TMEM232: variants seen among roughly 807,000 people sequenced by gnomAD.
TMEM232 encodes transmembrane protein 232.
In TMEM232, 80 loss-of-function variants were observed where a neutral mutation model predicts 78.8. The observed-to-expected ratio is 1.01, with a 90% CI of 0.85 to 1.22. TMEM232 has a LOEUF of 1.22. Among genes scored for constraint, TMEM232 ranks in the 50% most tolerant of loss-of-function variants. The pLI is 0.00. For missense variants in TMEM232, 881 were observed against 742.2 expected, an observed-to-expected ratio of 1.19 and a Z score of -2.17; for synonymous variants, 297 against 254.3, an observed-to-expected ratio of 1.17 and a Z score of -1.60.
intron 2 of TMEM232, among the ~76,000 whole-genome samples, chr5:110,647,091 A>G (rs943066588): frequency 5.9e-5 from 9 of 151,928 alleles, no homozygotes; most frequent in African/African-American, 2.2e-4. Context: ...ATTTGCCTAC[A>G]CGAAAGTGCA....
chr5:110,589,091 C>A (rs1477505479), intron 10 of TMEM232, among the ~76,000 whole-genome samples: 1 of 152,118 alleles, frequency 6.6e-6, no homozygotes, highest in Non-Finnish European at 1.5e-5. Context: ...AGATAGAACA[C>A]AAAGCTGTGC....
chr5:110,435,224 A>G (rs1241292089), intron 12 of TMEM232, among the ~76,000 whole-genome samples: 3 of 152,036 alleles, frequency 2.0e-5, no homozygotes, highest in Non-Finnish European at 2.9e-5. Context: ...AACTTCAGGA[A>G]AGTCTCAGGA....
intron 1 of TMEM232, among the ~76,000 whole-genome samples, chr5:110,682,365 T>C (rs1397230490): frequency 6.6e-6 from 1 of 151,982 alleles, no homozygotes; most frequent in Non-Finnish European, 1.5e-5. Flanking sequence ...AAACCTTCCC[T>C]AAATAATGAA....
chr5:110,409,366 C>T (rs1219021742), intron 2 of TMEM232, among the ~76,000 whole-genome samples: 3 of 152,178 alleles, frequency 2.0e-5, no homozygotes, highest in Non-Finnish European at 4.4e-5. Flanking sequence ...TTGTGAATAG[C>T]TGTGATCAAG....
chr5:110,699,268 G>A (rs1025393103), intron 1 of TMEM232, among the ~76,000 whole-genome samples: 13 of 152,072 alleles, frequency 8.5e-5, no homozygotes, highest in Admixed American at 8.5e-4. Flanking sequence ...ATACACCTTT[G>A]ACCTTAAATA....
chr5:110,520,436 G>A (rs367590849), intron 12 of TMEM232, among the ~76,000 whole-genome samples: 19 of 152,012 alleles, frequency 1.2e-4, no homozygotes, highest in African/African-American at 3.6e-4. Flanking sequence ...ATAGCAAAAC[G>A]TGACAAAGAT....
At chr5:110,733,644 G>C (rs1393935790) in intron 2 of TMEM232, among the ~76,000 whole-genome samples, 1 of 152,116 alleles carries the variant, frequency 6.6e-6, no homozygotes. Flanking sequence ...AGAACACAGA[G>C]ACACAAAGAG....
chr5:110,620,716 G>A (rs143007304), intron 7 of TMEM232, among the ~76,000 whole-genome samples: 192 of 145,718 alleles, frequency 1.3e-3, no homozygotes, highest in African/African-American at 4.8e-3. Flanking sequence ...AACCCAATAT[G>A]TCTAATTGCA....
intron 1 of TMEM232, among the ~76,000 whole-genome samples, chr5:110,704,734 C>T (rs1408208923): frequency 6.6e-6 from 1 of 152,000 alleles, no homozygotes; most frequent in African/African-American, 2.4e-5. Context: ...ACTACCAGGG[C>T]CCCCGTTTAA....
At chr5:110,556,890 T>C (rs886720291) in intron 11 of TMEM232, among the ~76,000 whole-genome samples, 5 of 152,162 alleles carry the variant, frequency 3.3e-5, no homozygotes, top group African/African-American at 4.8e-5. Context: ...GCATCTCACA[T>C]AGTTGCTCTG....
chr5:110,659,455 T>C (rs1789509787), intron 2 of TMEM232, among the ~76,000 whole-genome samples: 1 of 152,142 alleles, frequency 6.6e-6, no homozygotes, highest in Non-Finnish European at 1.5e-5. Context: ...CTGGTACACT[T>C]ACAGGTGCCT....
chr5:110,499,635 C>CCACACA (rs1554091660), intron 12 of TMEM232, among the ~76,000 whole-genome samples: 33 of 143,604 alleles, frequency 2.3e-4, no homozygotes, highest in African/African-American at 8.8e-4. Flanking sequence ...ACACCCCCCC[C>CCACACA]CACACACACA....
chr5:110,453,206 G>A (rs1760510940), intron 12 of TMEM232, among the ~76,000 whole-genome samples: 1 of 152,132 alleles, frequency 6.6e-6, no homozygotes, highest in Non-Finnish European at 1.5e-5. Context: ...CTCGTTCCCT[G>A]TAATCTGTTA....
intron 11 of TMEM232, among the ~76,000 whole-genome samples, chr5:110,530,549 A>G (rs560062123): frequency 6.6e-6 from 1 of 152,352 alleles, no homozygotes; most frequent in Admixed American, 6.5e-5. Context: ...GAGCCATAAA[A>G]ATAGAAGAAA....
At chr5:110,478,145 A>G (rs1763453232) in intron 12 of TMEM232, among the ~76,000 whole-genome samples, 1 of 151,934 alleles carries the variant, frequency 6.6e-6, no homozygotes, top group African/African-American at 2.4e-5. Context: ...ATCCCACGCT[A>G]TGAATTTTTC....
chr5:110,629,656 C>A (rs554151310), intron 5 of TMEM232, among the ~76,000 whole-genome samples: 1 of 151,974 alleles, frequency 6.6e-6, no homozygotes, highest in Non-Finnish European at 1.5e-5. Context: ...CTCTTCTTCT[C>A]TTTTTTTCTG....
Position 110,511,467 on chromosome 5 carries a change from T to C in TMEM232, c.1703+17121A>G, listed in dbSNP as rs570177148. Among the ~76,000 whole-genome samples the C allele has an allele frequency of 9.9e-4, 150 of 151,580 alleles. 2 individuals carry two copies. The highest frequency in any genetic ancestry group is 3.5e-3 in the African/African-American group (143 of 41,382). On this transcript the variant is annotated intron_variant, in intron 12 of 13. Coordinates refer to ENST00000455884, the MANE Select transcript of TMEM232 (RefSeq NM_001039763.4). ...TTTAAAAAAAAAAGAAAAAGAAAAA[T>C]GATATTAAGTAATAATTATTATACC... is the stretch of plus-strand genomic sequence containing the variant.
At chr5:110,676,561 A>C (rs1792052986) in intron 1 of TMEM232, among the ~76,000 whole-genome samples, 1 of 151,746 alleles carries the variant, frequency 6.6e-6, no homozygotes, top group African/African-American at 2.4e-5. Flanking sequence ...GTGAGCCACC[A>C]CACCCATCTA....
At chr5:110,737,340 A>G (rs566232710) in intron 1 of TMEM232, among the ~76,000 whole-genome samples, 38 of 152,336 alleles carry the variant, frequency 2.5e-4, no homozygotes, top group African/African-American at 9.1e-4. Context: ...ATGAGCAAGC[A>G]TGCCATAAAC....
Sources: gnomAD v4.1 joint callset for allele counts (sites outside exome capture counted in the v4.1 genomes callset) on GRCh38, gnomAD v4.1.1 for gene constraint, MANE v1.5 for transcripts, NCBI Gene and HGNC (gene_info 2026-07-23, HGNC 2026-07-21) for gene names.